Variants in PAXIP1 observed in about 807,000 individuals in gnomAD.
PAXIP1 encodes the protein PAX-interacting protein 1.
PAXIP1 carries 19 observed loss-of-function variants against 140.6 expected under a neutral mutation model. The observed-to-expected ratio is 0.14, with a 90% CI of 0.09 to 0.20. PAXIP1 has a LOEUF of 0.20. Among genes scored for constraint, PAXIP1 ranks in the 10% least tolerant of loss-of-function variants. The probability of loss-of-function intolerance (pLI) is 1.00; values close to 1 mark genes in which losing one functional copy is unlikely to be tolerated. For missense variants in PAXIP1, 920 were observed against 1,208.6 expected (o/e 0.76, Z 3.54); for synonymous variants, 442 against 444.6 (o/e 0.99, Z 0.07).
intron 1 of PAXIP1, among the ~76,000 whole-genome samples, 179 bp from the exon 2 acceptor site, chr7:154,998,963 CA>C (rs1279735174): frequency 6.6e-6 from 1 of 152,202 alleles, no homozygotes; most frequent in African/African-American, 2.4e-5. Context: ...CGGGGACAAT[CA>C]AAAGCAGCAA....
intron 16 of PAXIP1, chr7:154,949,652 C>G (rs1192116204): frequency 6.6e-6 from 1 of 152,210 alleles, no homozygotes; most frequent in Non-Finnish European, 1.5e-5. Context: ...ATAATCCCAG[C>G]ACTTTGGGAG....
At position 154,956,379 on chromosome 7, in the gene PAXIP1, G is replaced by A. The variant is rs1206208499; in HGVS notation, c.2550-748C>T. 6.6e-6 allele frequency: 1 copy of A among 152,206 alleles called. No homozygotes were observed. Among genetic ancestry groups the A allele is most frequent in the East Asian group, 1.9e-4 (1 of 5,194 alleles). The allele number at this position is 152,206 out of a possible 1,614,324, so 9.4% of individuals were successfully genotyped here. A position where few individuals can be genotyped will look rare whatever the true frequency, so the allele number is the denominator to read the frequency against. On this transcript the variant is annotated intron_variant, in intron 14 of 20. Coordinates refer to ENST00000404141, the MANE Select transcript of PAXIP1 (RefSeq NM_007349.4). This position sits in a 1 kb window ranked among gnomAD's most constrained non-coding sequence, Gnocchi z 4.2. Reference sequence around the variant, plus strand: ...GAAGTGGGGAATGGAAGGAGGGAAAGAGGAGGAGCAGGGAGAGAAAAGATG... The same window carrying A: ...GAAGTGGGGAATGGAAGGAGGGAAAAAGGAGGAGCAGGGAGAGAAAAGATG...
chr7:154,960,661 G>T (rs1311295301), intron 12 of PAXIP1, among the ~76,000 whole-genome samples: 1 of 152,032 alleles, frequency 6.6e-6, no homozygotes, highest in Non-Finnish European at 1.5e-5. Flanking sequence ...GGGTGACAAA[G>T]CGAGACCCTG....
At chr7:154,953,714 C>A (rs1205545218) in intron 16 of PAXIP1, among the ~76,000 whole-genome samples, 2 of 152,148 alleles carry the variant, frequency 1.3e-5, no homozygotes, top group African/African-American at 4.8e-5. Flanking sequence ...TAGCAAGGTT[C>A]TAAAAACATT....
chr7:154,992,627 A>G (rs1810396430), intron 3 of PAXIP1, among the ~76,000 whole-genome samples: 1 of 151,982 alleles, frequency 6.6e-6, no homozygotes, highest in Admixed American at 6.6e-5. Flanking sequence ...CTTCTTAAGG[A>G]GTCTTGTACA....
chr7:154,991,520 C>G (rs1233765517), intron 3 of PAXIP1, among the ~76,000 whole-genome samples: 1 of 152,202 alleles, frequency 6.6e-6, no homozygotes, highest in South Asian at 2.1e-4. Context: ...TTCATAAGAG[C>G]TTGATTGAGC....
At chr7:154,952,557 C>T (rs566028719) in intron 16 of PAXIP1, among the ~76,000 whole-genome samples, 2 of 152,312 alleles carry the variant, frequency 1.3e-5, no homozygotes, top group South Asian at 4.1e-4. Flanking sequence ...AAGCTTCATG[C>T]AGGCGTGAGT....
intron 6 of PAXIP1, among the ~76,000 whole-genome samples, chr7:154,972,097 G>A (rs1042101925): frequency 5.9e-5 from 9 of 152,204 alleles, no homozygotes; most frequent in African/African-American, 2.2e-4. Flanking sequence ...CCCTACTGCA[G>A]TCAATTCTTT....
At chr7:154,980,347 T>C (rs1338630774) in intron 5 of PAXIP1, among the ~76,000 whole-genome samples, 1 of 152,180 alleles carries the variant, frequency 6.6e-6, no homozygotes, top group East Asian at 1.9e-4. Context: ...ATTAATCTTT[T>C]TTTCGCAGCC....
At chr7:155,002,781 G>GGGAC (rs1810983800) in intron 1 of PAXIP1, 68 bp downstream of exon 1, 1 of 885,710 alleles carries the variant, frequency 1.1e-6, no homozygotes, top group African/African-American at 1.8e-5. Flanking sequence ...AGCGGGGACG[G>GGGAC]GGACGGGGAC....
chr7:154,991,205 T>C (rs957228569), intron 3 of PAXIP1, 136 bp from the exon 4 acceptor site: 3 of 524,768 alleles, frequency 5.7e-6, no homozygotes, highest in African/African-American at 2.0e-5. Context: ...CAAAGAAGAG[T>C]ACAGGGCAGA....
In PAXIP1 at chr7:155,002,965, CG is replaced by C. The variant is rs1348132824; in HGVS notation, c.-37del. 1.0e-6 allele frequency: 1 copy of C among 1,004,982 alleles called. No homozygotes were observed. The allele number at this position is 1,004,982 out of a possible 1,614,324, so 62.3% of individuals were successfully genotyped here. A position where few individuals can be genotyped will look rare whatever the true frequency, so the allele number is the denominator to read the frequency against. ...GCCCGGGAGGCTCCGCGGCGGCGCC[CG>C]GCCCCGCCCACCCCCCGCCCCCGGC... On this transcript the variant is annotated 5_prime_UTR_variant, in exon 1 of 21. Coordinates refer to ENST00000404141, the MANE Select transcript of PAXIP1 (RefSeq NM_007349.4).
intron 16 of PAXIP1, among the ~76,000 whole-genome samples, chr7:154,952,398 G>A (rs1377130745): frequency 6.6e-6 from 1 of 152,196 alleles, no homozygotes; most frequent in Non-Finnish European, 1.5e-5. Context: ...AGCTGAAATG[G>A]TGAATAAGCA....
intron 8 of PAXIP1, chr7:154,965,292 C>T (rs11765102): frequency 0.23 from 35,196 of 152,244 alleles, 4,711 homozygotes; most frequent in Admixed American, 0.34. Flanking sequence ...CTGCAGCCTC[C>T]GCTGGCATCC....
intron 10 of PAXIP1, 88 bp downstream of exon 10, chr7:154,962,233 G>T: frequency 1.4e-6 from 2 of 1,430,908 alleles, no homozygotes; most frequent in Non-Finnish European, 1.9e-6. Context: ...AGAAGCCAAC[G>T]CAGGAGCCTC....
At chr7:154,988,632 A>C (rs1810184733) in intron 4 of PAXIP1, among the ~76,000 whole-genome samples, 1 of 152,170 alleles carries the variant, frequency 6.6e-6, no homozygotes, top group African/African-American at 2.4e-5. Context: ...CACCAAATCA[A>C]GTCTTCAAAA....
chr7:154,945,860 A>C (rs1036682088), intron 20 of PAXIP1: 2 of 985,336 alleles, frequency 2.0e-6, no homozygotes, highest in African/African-American at 3.5e-5. Flanking sequence ...GAAATAGAAA[A>C]AAGCCTAGGT....
intron 14 of PAXIP1, 175 bp downstream of exon 14, chr7:154,957,049 A>T (rs1356460373): frequency 2.2e-6 from 1 of 445,868 alleles, no homozygotes; most frequent in Non-Finnish European, 4.0e-6. Context: ...TAAAAAATAT[A>T]CTGGCCTATG....
rs1445073609 is a variant in PAXIP1 at position 154,944,007 on chromosome 7, T to C, written c.*142A>G. On this transcript the variant is annotated 3_prime_UTR_variant, in exon 21 of 21. Coordinates refer to ENST00000404141, the MANE Select transcript of PAXIP1 (RefSeq NM_007349.4). ...AAAAAGATGCAGTATATTTATTATA[T>C]CTGTCTTCCTGCTTCACAGTCTGAT... 2 of 744,784 alleles carry C rather than the reference T, an allele frequency of 2.7e-6. No homozygotes were observed. The highest frequency in any genetic ancestry group is 4.8e-6 in the Non-Finnish European group (2 of 412,486). 46.1% of individuals were successfully genotyped at this position (744,784 alleles called of 1,614,324 possible).
Sources: allele counts gnomAD v4.1 joint callset (sites outside exome capture counted in the v4.1 genomes callset), GRCh38; gene constraint gnomAD v4.1.1; non-coding constraint Gnocchi (gnomAD v3.1); transcripts MANE v1.5; gene names NCBI Gene and HGNC (gene_info 2026-07-23, HGNC 2026-07-21).